The following CLNK variants were observed in gnomAD, a reference collection of about 807,000 sequenced individuals.
CLNK encodes the protein cytokine dependent hematopoietic cell linker, also known as cytokine-dependent hematopoietic cell linker.
A neutral mutation model predicts 68.6 loss-of-function variants in CLNK; 74 were observed. The ratio of observed to expected loss-of-function variants is 1.08; its 90% CI spans 0.89 to 1.31. The LOEUF (loss-of-function observed/expected upper bound fraction) is 1.31. Ranked by LOEUF, CLNK falls within the 50% of genes most tolerant of loss-of-function variation. The pLI, the probability that CLNK is intolerant of heterozygous loss-of-function variation, is 0.00. For synonymous variants in CLNK, 198 were observed against 172.2 expected, an observed-to-expected ratio of 1.15 and a Z score of -1.17; for missense variants, 553 against 515.3, an observed-to-expected ratio of 1.07 and a Z score of -0.71.
chr4:10,728,648 G>A, the CLNK span, among the ~76,000 whole-genome samples: 1 of 147,856 alleles, frequency 6.8e-6, no homozygotes, highest in African/African-American at 2.5e-5. Flanking sequence ...CTGTCACCCA[G>A]GCTGGAGTGC....
chr4:10,524,412 G>A (rs1037358574), intron 14 of CLNK, among the ~76,000 whole-genome samples: 32 of 152,312 alleles, frequency 2.1e-4, no homozygotes, highest in African/African-American at 6.5e-4. Context: ...GTAATACAGT[G>A]AGGTCGCCCA....
intron 2 of CLNK, among the ~76,000 whole-genome samples, chr4:10,609,000 C>T (rs1470000649): frequency 6.6e-6 from 1 of 152,130 alleles, no homozygotes; most frequent in East Asian, 1.9e-4. Flanking sequence ...CTCAAGGGCC[C>T]CACTTAACAA....
At chr4:10,705,679 A>G in the CLNK span, among the ~76,000 whole-genome samples, 1 of 152,198 alleles carries the variant, frequency 6.6e-6, no homozygotes, top group African/African-American at 2.4e-5. Flanking sequence ...ACTTGCTCAG[A>G]CAAGCCAGGA....
chr4:10,591,560 T>A (rs1390903453), intron 3 of CLNK, among the ~76,000 whole-genome samples: 1 of 152,058 alleles, frequency 6.6e-6, no homozygotes, highest in African/African-American at 2.4e-5. Context: ...CAGAGGGAAA[T>A]ATACAAAAGA....
intron 17 of CLNK, 26 bp from the exon 18 acceptor site, chr4:10,501,437 CT>C (rs1322494754): frequency 1.2e-6 from 2 of 1,600,744 alleles, no homozygotes; most frequent in Non-Finnish European, 1.7e-6. Flanking sequence ...TAACAGTCAT[CT>C]TTTCAGACAC....
intron 2 of CLNK, among the ~76,000 whole-genome samples, chr4:10,613,607 G>T (rs753642151): frequency 1.3e-5 from 2 of 152,152 alleles, no homozygotes; most frequent in East Asian, 1.9e-4. Flanking sequence ...GACTCAATAG[G>T]ATCTCTCTGT....
At chr4:10,614,127 G>A (rs953958613) in intron 2 of CLNK, among the ~76,000 whole-genome samples, 9 of 152,180 alleles carry the variant, frequency 5.9e-5, no homozygotes, top group African/African-American at 1.9e-4. Context: ...GAGTCTTCTG[G>A]CTCAAACTCC....
chr4:10,566,241 C>A (rs1272221621), intron 5 of CLNK, 91 bp from the exon 6 acceptor site: 8 of 1,224,158 alleles, frequency 6.5e-6, no homozygotes, highest in Non-Finnish European at 8.0e-6. Flanking sequence ...TGGGGTAGAC[C>A]TTCTTAGCTG....
intron 4 of CLNK, among the ~76,000 whole-genome samples, chr4:10,574,538 G>A (rs143451346): frequency 9.9e-5 from 15 of 152,182 alleles, no homozygotes; most frequent in Non-Finnish European, 1.5e-4. Context: ...CAGTTTAGCC[G>A]GAAACCACCT....
intron 4 of CLNK, among the ~76,000 whole-genome samples, chr4:10,577,565 A>G (rs1720613861): frequency 6.6e-6 from 1 of 152,172 alleles, no homozygotes; most frequent in Admixed American, 6.5e-5. Context: ...AATTTCCAGG[A>G]TACTCCCTGA....
chr4:10,711,864 A>G, the CLNK span, among the ~76,000 whole-genome samples: 8 of 152,236 alleles, frequency 5.3e-5, no homozygotes, highest in Non-Finnish European at 8.8e-5. Context: ...TCTGCACCAT[A>G]AAAAGAAGGT....
chr4:10,624,510 T>C (rs1722586761), intron 2 of CLNK, among the ~76,000 whole-genome samples: 1 of 151,910 alleles, frequency 6.6e-6, no homozygotes, highest in Admixed American at 6.6e-5. Context: ...GCCAGGATGG[T>C]CTCGATCTCC....
intron 15 of CLNK, chr4:10,517,296 A>AT (rs1373211096): frequency 1.3e-5 from 2 of 152,188 alleles, no homozygotes; most frequent in African/African-American, 4.8e-5. Context: ...ACAAAAAAAA[A>AT]GTCAATACAA....
rs1049436008 is a variant in CLNK, at chr4:10,548,419, A to G, written c.446-6139T>C. Among the ~76,000 whole-genome samples the G allele has an allele frequency of 5.9e-5, 9 of 152,142 alleles. No homozygotes were observed. The South Asian group carries it at 8.3e-4, about 14-fold the overall frequency. The stretch of plus-strand genomic sequence containing the variant: ...TTGAACATTAACCCTTATCAGGTAT[A>G]TAGTTTGCAAATATTTTCTCCCATT... On this transcript the variant is annotated intron_variant, in intron 8 of 18. Transcript: ENST00000226951.
rs137915985 is a variant in CLNK at position 10,508,417 on chromosome 4, G to T, written c.907-381C>A. On this transcript the variant is annotated intron_variant, in intron 16 of 18. Coordinates refer to ENST00000226951, the MANE Select transcript of CLNK (RefSeq NM_052964.4). ...ACACTGCCCTAGTCACATGCAAACAGCAGGGAGGGAGAAAGAGGTGCGGAA... is the reference window on the plus strand; with the variant it reads ...ACACTGCCCTAGTCACATGCAAACATCAGGGAGGGAGAAAGAGGTGCGGAA... 1.7e-4 allele frequency among the ~76,000 whole-genome samples: 26 copies of T among 152,310 alleles called. No individual in the cohort carries two copies. The East Asian group carries it at 4.6e-3, about 27-fold the overall frequency.
chr4:10,581,530 A>G (rs6856210), intron 4 of CLNK, among the ~76,000 whole-genome samples: 27,373 of 152,162 alleles, frequency 0.18, 2,771 homozygotes, highest in African/African-American at 0.27. Flanking sequence ...AGGGGGTTGA[A>G]GAACAGGCAT....
chr4:10,528,160 T>C (rs1697076665), intron 12 of CLNK, 66 bp from the exon 13 acceptor site: 3 of 766,208 alleles, frequency 3.9e-6, no homozygotes, highest in African/African-American at 3.6e-5. Flanking sequence ...TATAACACCA[T>C]GTGTGTTTTT....
intron 1 of CLNK, among the ~76,000 whole-genome samples, chr4:10,682,133 ATG>A (rs67960184): frequency 9.3e-5 from 12 of 128,388 alleles, no homozygotes; most frequent in African/African-American, 3.3e-4. Flanking sequence ...GTGTGTGTGT[ATG>A]TGTGTGTGTG....
chr4:10,510,633 C>A (rs546684576), intron 16 of CLNK, among the ~76,000 whole-genome samples: 12 of 152,254 alleles, frequency 7.9e-5, no homozygotes, highest in African/African-American at 2.6e-4. Context: ...CTATCCAGAC[C>A]TTAAGTCTGA....
Sources: allele counts gnomAD v4.1 joint callset (sites outside exome capture counted in the v4.1 genomes callset), GRCh38; gene constraint gnomAD v4.1.1; transcripts MANE v1.5; gene names NCBI Gene and HGNC (gene_info 2026-07-23, HGNC 2026-07-21).